Variants in DLG1 observed in about 807,000 individuals in gnomAD.
DLG1 encodes the protein disks large homolog 1.
DLG1 carries 42 observed loss-of-function variants against 123.4 expected under a neutral mutation model. The observed-to-expected ratio is 0.34, with a 90% CI of 0.27 to 0.44. DLG1 has a LOEUF of 0.44. DLG1 is among the 20% of genes least tolerant of loss of function. DLG1 has a pLI of 1.00. For synonymous variants in DLG1, 317 were observed against 356.2 expected (o/e 0.89, Z 1.24); for missense variants, 942 against 1,082.6 (o/e 0.87, Z 1.82).
At chr3:197,081,006 A>G (rs1368869484) in intron 17 of DLG1, 45 bp downstream of exon 17, 2 of 1,535,918 alleles carry the variant, frequency 1.3e-6, no homozygotes, top group Admixed American at 1.7e-5. Flanking sequence ...TTAACAATGT[A>G]GCTCAAACAG....
In DLG1 at chr3:197,142,654, C is replaced by A. The variant is rs116543491; in HGVS notation, c.588+64G>T. On this transcript the variant is annotated intron_variant, in intron 7 of 24. Transcript: ENST00000667157. ...GTTTTTGAGAGATCTCCCTTGGATT[C>A]TGTATGAAAAAGCAGTATATTACAA... 1.1e-3 allele frequency: 1,343 copies of A among 1,226,316 alleles called. 15 individuals are homozygous for A. The African/African-American group carries it at 0.019, about 18-fold the overall frequency. The allele number at this position is 1,226,316 out of a possible 1,614,324, so 76.0% of individuals were successfully genotyped here.
intron 5 of DLG1, among the ~76,000 whole-genome samples, chr3:197,160,582 T>C (rs1480494486): frequency 2.0e-5 from 3 of 152,134 alleles, no homozygotes; most frequent in Non-Finnish European, 2.9e-5. Flanking sequence ...TAATCAAAAA[T>C]TATATAGTAG....
chr3:197,261,070 C>T (rs1398426205), intron 4 of DLG1, among the ~76,000 whole-genome samples: 1 of 152,096 alleles, frequency 6.6e-6, no homozygotes, highest in African/African-American at 2.4e-5. Flanking sequence ...CCAAAAAAAA[C>T]CACCACAAAA....
intron 5 of DLG1, among the ~76,000 whole-genome samples, chr3:197,163,349 G>A (rs1297851823): frequency 1.3e-5 from 2 of 152,052 alleles, no homozygotes; most frequent in Non-Finnish European, 2.9e-5. Flanking sequence ...CAATTGGGTA[G>A]GTAAATATGC....
intron 5 of DLG1, among the ~76,000 whole-genome samples, chr3:197,168,540 A>G (rs1577402129): frequency 6.6e-6 from 1 of 152,396 alleles, no homozygotes; most frequent in South Asian, 2.1e-4. Flanking sequence ...GGGGAGCTGT[A>G]TAAGATTCTA....
At chr3:197,091,134 G>T (rs963234576) in intron 14 of DLG1, 108 bp from the exon 15 acceptor site, 5 of 684,732 alleles carry the variant, frequency 7.3e-6, no homozygotes, top group Non-Finnish European at 1.2e-5. Context: ...AATGTGGTTA[G>T]AACCTTAAAA....
At chr3:197,115,847 T>C (rs1219410262) in intron 13 of DLG1, 80 bp downstream of exon 13, 1 of 1,375,598 alleles carries the variant, frequency 7.3e-7, no homozygotes, top group Non-Finnish European at 1.0e-6. Flanking sequence ...TACTTTAGGA[T>C]ATAAAAAAAC....
intron 6 of DLG1, among the ~76,000 whole-genome samples, chr3:197,148,431 AAG>A (rs1350222418): frequency 2.7e-5 from 4 of 149,750 alleles, no homozygotes; most frequent in East Asian, 1.9e-4. Context: ...AAAAAAAAAA[AAG>A]AGAGAGAATA....
chr3:197,129,268 C>A (rs1170027306), intron 11 of DLG1, among the ~76,000 whole-genome samples: 1 of 152,214 alleles, frequency 6.6e-6, no homozygotes, highest in Non-Finnish European at 1.5e-5. Flanking sequence ...GCTCCTACAG[C>A]AGCACTTGCT....
intron 24 of DLG1, among the ~76,000 whole-genome samples, chr3:197,050,421 C>T (rs771538078): frequency 6.6e-6 from 1 of 150,922 alleles, no homozygotes; most frequent in East Asian, 1.9e-4. Flanking sequence ...CAAACAACAA[C>T]AAATATATAT....
At chr3:197,186,015 G>T (rs1006850633) in intron 5 of DLG1, among the ~76,000 whole-genome samples, 12 of 152,248 alleles carry the variant, frequency 7.9e-5, no homozygotes, top group Admixed American at 7.8e-4. Context: ...AATGTACAGG[G>T]AAGAAATACT....
chr3:197,254,268 C>T (rs1406349115), intron 4 of DLG1, among the ~76,000 whole-genome samples: 1 of 152,198 alleles, frequency 6.6e-6, no homozygotes, highest in East Asian at 1.9e-4. Flanking sequence ...AACATTTCTG[C>T]AGTCTCACAG....
chr3:197,277,739 CTTTT>C (rs574355850), intron 4 of DLG1, among the ~76,000 whole-genome samples: 3 of 152,024 alleles, frequency 2.0e-5, no homozygotes, highest in Non-Finnish European at 2.9e-5. Context: ...TTTACTCTTG[CTTTT>C]TTTTAAGTCT....
chr3:197,129,305 G>C (rs773348057), intron 11 of DLG1, among the ~76,000 whole-genome samples: 1 of 152,202 alleles, frequency 6.6e-6, no homozygotes, highest in Admixed American at 6.5e-5. Flanking sequence ...TCATGTTATA[G>C]AGATGACTTC....
At chr3:197,246,554 T>C (rs1232142519) in intron 4 of DLG1, among the ~76,000 whole-genome samples, 2 of 152,208 alleles carry the variant, frequency 1.3e-5, no homozygotes, top group Admixed American at 1.3e-4. Flanking sequence ...GTTAAGGCAG[T>C]AGCTGTAATA....
At chr3:197,245,166 G>C (rs187242955) in intron 4 of DLG1, among the ~76,000 whole-genome samples, 1 of 152,064 alleles carries the variant, frequency 6.6e-6, no homozygotes, top group Non-Finnish European at 1.5e-5. Flanking sequence ...CAGGGGGTAT[G>C]GTATTCCCAC....
At chr3:197,054,577 GTTTA>G (rs1730344773) in intron 23 of DLG1, among the ~76,000 whole-genome samples, 1 of 151,972 alleles carries the variant, frequency 6.6e-6, no homozygotes, top group African/African-American at 2.4e-5. Flanking sequence ...TTTCCTTTTG[GTTTA>G]TTTTTAGGTT....
intron 13 of DLG1, among the ~76,000 whole-genome samples, chr3:197,106,908 T>C (rs748488973): frequency 4.6e-5 from 7 of 152,180 alleles, no homozygotes; most frequent in African/African-American, 7.2e-5. Flanking sequence ...TTTTAAAGCA[T>C]ATAGTTTAGT....
chr3:197,240,724 G>T (rs79374721), intron 4 of DLG1, among the ~76,000 whole-genome samples: 3,098 of 151,810 alleles, frequency 0.02, 98 homozygotes, highest in Admixed American at 0.075. Context: ...CAAAAGAAAA[G>T]AAAAGAAAAA....
Sources: allele counts gnomAD v4.1 joint callset (sites outside exome capture counted in the v4.1 genomes callset), GRCh38; gene constraint gnomAD v4.1.1; transcripts MANE v1.5; gene names NCBI Gene and HGNC (gene_info 2026-07-23, HGNC 2026-07-21).